The following FBH1 variants were observed in gnomAD, a reference collection of about 807,000 sequenced individuals.
FBH1 encodes the protein F-box DNA helicase 1.
FBH1 carries 43 observed loss-of-function variants against 115.5 expected under a neutral mutation model. The observed-to-expected ratio is 0.37, with a 90% CI of 0.29 to 0.48. FBH1 has a LOEUF of 0.48. Among genes scored for constraint, FBH1 ranks in the 20% least tolerant of loss-of-function variants. FBH1 has a pLI of 0.99. For missense variants in FBH1, 1,001 were observed against 1,337.3 expected (o/e 0.75, Z 3.92); for synonymous variants, 524 against 507.8 (o/e 1.03, Z -0.43).
intron 1 of FBH1, among the ~76,000 whole-genome samples, chr10:5,901,067 A>G (rs1405269131): frequency 6.6e-6 from 1 of 152,194 alleles, no homozygotes; most frequent in Non-Finnish European, 1.5e-5. Context: ...ACTGTGCTCC[A>G]GCCTAAGCAA....
chr10:5,913,646 T>C lies in FBH1; in HGVS notation c.1212-101T>C, dbSNP rs1831746967. 3 of 789,392 alleles carry C rather than the reference T, an allele frequency of 3.8e-6. No homozygotes were observed. Among genetic ancestry groups the C allele is most frequent in the Non-Finnish European group, 5.9e-6 (3 of 504,916 alleles). The allele number at this position is 789,392 out of a possible 1,614,324, so 48.9% of individuals were successfully genotyped here. ...CCATTAAATGGTGGTAGGTATTTTC[T>C]TTTTAGAAATGGGAAGGAGTTTAAA... On this transcript the variant is annotated intron_variant, in intron 6 of 20. Transcript: ENST00000362091. This position sits in a 1 kb window ranked among gnomAD's most constrained non-coding sequence, Gnocchi z 4.4.
intron 1 of FBH1, among the ~76,000 whole-genome samples, chr10:5,901,664 A>G (rs2131878782): frequency 6.7e-6 from 1 of 148,850 alleles, no homozygotes; most frequent in South Asian, 2.1e-4. Flanking sequence ...TCCCGGGTTC[A>G]AGTGATTCTT....
chr10:5,892,776 A>G (rs1312497509), intron 1 of FBH1, among the ~76,000 whole-genome samples: 1 of 152,256 alleles, frequency 6.6e-6, no homozygotes, highest in Non-Finnish European at 1.5e-5. Context: ...TCTACTAGAA[A>G]TGCCAGTTAT....
Position 5,910,979 on chromosome 10 carries a change from C to T in FBH1, c.1062C>T (p.Leu354=), listed in dbSNP as rs191346520. 3 of 1,612,116 alleles carry T rather than the reference C, an allele frequency of 1.9e-6. No individual in the cohort carries two copies. Among genetic ancestry groups the T allele is most frequent in the African/African-American group, 2.7e-5 (2 of 75,028 alleles). Residue 354 remains leucine (L), a synonymous_variant, in exon 6 of 21, where the codon CTC becomes CTT. Transcript: ENST00000362091. The surrounding 1 kb of genome is among the most constrained non-coding windows in gnomAD (Gnocchi z 4.8). Reference sequence around the variant, plus strand: ...CCCTGGTGGCGGCTGTGGTGCTCCTCTCCAGCAGTGTGAATGACATCCAGC... The same window carrying T: ...CCCTGGTGGCGGCTGTGGTGCTCCTTTCCAGCAGTGTGAATGACATCCAGC... ...IWALVAAVVL[L]SSSVNDIQRL...
Position 5,899,180 on chromosome 10 carries a change from C to T in FBH1, c.2-3840C>T, listed in dbSNP as rs184446134. 9.3e-4 allele frequency among the ~76,000 whole-genome samples: 142 copies of T among 152,312 alleles called. 2 individuals are homozygous for T. Among genetic ancestry groups the T allele is most frequent in the African/African-American group, 3.2e-3 (133 of 41,564 alleles). ...TTTTCTCACTGGTTATGTGCCTTTT[C>T]GTTGACTTTCAGAAGCCTTCGGTAC... On this transcript the variant is annotated intron_variant, in intron 1 of 20. Transcript: ENST00000362091.
rs572288200 is a variant in FBH1 at position 5,936,470 on chromosome 10, A to G, written c.2844A>G (p.Gln948=). 526 of 1,613,880 alleles carry G rather than the reference A, an allele frequency of 3.3e-4. 5 individuals carry two copies. The South Asian group carries it at 5.7e-3, about 18-fold the overall frequency. ...TTCTTTCTCAGGAGTACTTCTTGCA[A>G]GCAGAGCTGACAAGCAACGTCTTAA... ...ILTLAGEYFL[Q]AELTSNVLKT... Residue 948 remains glutamine (Q), a synonymous_variant, in exon 20 of 21, where the codon CAA becomes CAG. Coordinates refer to ENST00000362091, the MANE Select transcript of FBH1 (RefSeq NM_178150.3). This position sits in a 1 kb window ranked among gnomAD's most constrained non-coding sequence, Gnocchi z 5.6.
At chr10:5,894,645 G>A (rs1842908428) in intron 1 of FBH1, 1 of 709,984 alleles carries the variant, frequency 1.4e-6, no homozygotes, top group Non-Finnish European at 2.6e-6. Context: ...GAGCTTCAAA[G>A]CCAAGGAAGA....
chr10:5,924,572 C>CT lies in FBH1; in HGVS notation c.2596+77dup, dbSNP rs59730206. ...GAGGAACAGATGGTCTTCTGCTGTT[C>CT]TTTTTTTTTTTTTGAGACAGAGTAT... On this transcript the variant is annotated intron_variant, in intron 17 of 20. Transcript: ENST00000362091. This position sits in a 1 kb window ranked among gnomAD's most constrained non-coding sequence, Gnocchi z 6.2. 0.053 allele frequency: 63,519 copies of CT among 1,194,802 alleles called. 2 individuals are homozygous for CT. Among genetic ancestry groups the CT allele is most frequent in the East Asian group, 0.069 (2,348 of 34,068 alleles). The allele number at this position is 1,194,802 out of a possible 1,614,324, so 74.0% of individuals were successfully genotyped here. A position where few individuals can be genotyped will look rare whatever the true frequency, so the allele number is the denominator to read the frequency against.
Position 5,914,538 on chromosome 10 carries a change from C to T in FBH1, c.1396+269C>T, listed in dbSNP as rs1831809526. Among the ~76,000 whole-genome samples, 1 of 152,216 alleles carries T rather than the reference C, an allele frequency of 6.6e-6. No homozygotes were observed. Among genetic ancestry groups the T allele is most frequent in the African/African-American group, 2.4e-5 (1 of 41,458 alleles). On this transcript the variant is annotated intron_variant, in intron 8 of 20. Transcript: ENST00000362091. This position sits in a 1 kb window ranked among gnomAD's most constrained non-coding sequence, Gnocchi z 5.2. ...CAGATGCCCCCGGGATTGAGCCCAG[C>T]ATTGTGATGTTTGCTCAGGCACTGA...
chr10:5,926,052 T>A (rs1003196763), intron 18 of FBH1, among the ~76,000 whole-genome samples: 4 of 152,184 alleles, frequency 2.6e-5, no homozygotes, highest in Non-Finnish European at 4.4e-5. Flanking sequence ...ATTGCAGGCG[T>A]CAGCCACCAC....
At chr10:5,901,479 C>T (rs1273013107) in intron 1 of FBH1, among the ~76,000 whole-genome samples, 1 of 151,416 alleles carries the variant, frequency 6.6e-6, no homozygotes, top group Non-Finnish European at 1.5e-5. Context: ...TTTTTAGGAT[C>T]TGTGAAAATA....
chr10:5,898,722 A>C (rs556881925), intron 1 of FBH1, among the ~76,000 whole-genome samples: 3 of 152,270 alleles, frequency 2.0e-5, no homozygotes, highest in Admixed American at 2.0e-4. Flanking sequence ...GAGCCCCACC[A>C]CTTCATACCG....
rs367670332 is a variant in FBH1, at chr10:5,914,137, G to A, written c.1305-41G>A. On this transcript the variant is annotated intron_variant, in intron 7 of 20. Coordinates refer to ENST00000362091, the MANE Select transcript of FBH1 (RefSeq NM_178150.3). The surrounding 1 kb of genome is among the most constrained non-coding windows in gnomAD (Gnocchi z 5.2). ...ACTGTCTATCCCCTGGACTTTTCACGTCTTTCTGTTTTTCTTACTTCTCTT... is the reference window on the plus strand; with the variant it reads ...ACTGTCTATCCCCTGGACTTTTCACATCTTTCTGTTTTTCTTACTTCTCTT... 2.1e-5 allele frequency: 34 copies of A among 1,594,102 alleles called. No homozygotes were observed. The highest frequency in any genetic ancestry group is 5.0e-5 in the Admixed American group (3 of 59,922).
At position 5,933,312 on chromosome 10, in the gene FBH1, C is replaced by T. The variant is rs962004198; in HGVS notation, c.2830-3144C>T. Among the ~76,000 whole-genome samples the T allele has an allele frequency of 1.8e-4, 27 of 152,126 alleles. No individual in the cohort carries two copies. The highest frequency in any genetic ancestry group is 3.9e-4 in the Admixed American group (6 of 15,270). ...CTGAGGCAGGAGAATCACTTGAATC[C>T]GGGAGGCAGAGGTTGCAGTAGGCTG... On this transcript the variant is annotated intron_variant, in intron 19 of 20. Transcript: ENST00000362091. The surrounding 1 kb of genome is among the most constrained non-coding windows in gnomAD (Gnocchi z 4.9).
intron 19 of FBH1, chr10:5,929,421 T>C (rs1300564819): frequency 7.9e-5 from 12 of 152,210 alleles, no homozygotes; most frequent in Non-Finnish European, 1.8e-4. Flanking sequence ...TTTCCAGAAT[T>C]TGAAATCTGA....
chr10:5,901,692 G>T (rs1344935761), intron 1 of FBH1, among the ~76,000 whole-genome samples: 2 of 151,290 alleles, frequency 1.3e-5, no homozygotes, highest in African/African-American at 4.9e-5. Context: ...AGCCTCCTGA[G>T]TAGCTGGGGT....
chr10:5,898,894 G>T (rs1015039042), intron 1 of FBH1, among the ~76,000 whole-genome samples: 1 of 152,178 alleles, frequency 6.6e-6, no homozygotes, highest in Non-Finnish European at 1.5e-5. Flanking sequence ...CTGTCTTTTC[G>T]ACTCTCAGGC....
upstream of FBH1, chr10:5,890,022 C>T: frequency 3.7e-6 from 1 of 269,488 alleles, no homozygotes; most frequent in Non-Finnish European, 7.0e-6. Context: ...CGCCCCGGCC[C>T]GAGCGGAAGC....
intron 1 of FBH1, chr10:5,894,575 C>A (rs750764181): frequency 1.0e-5 from 8 of 790,940 alleles, no homozygotes; most frequent in Non-Finnish European, 1.6e-5. Flanking sequence ...GAGGGTCAGA[C>A]GAGAATATAG....
Sources: allele counts gnomAD v4.1 joint callset (sites outside exome capture counted in the v4.1 genomes callset), GRCh38; gene constraint gnomAD v4.1.1; non-coding constraint Gnocchi (gnomAD v3.1); transcripts MANE v1.5; gene names NCBI Gene and HGNC (gene_info 2026-07-23, HGNC 2026-07-21).